Variants in MYOZ2 observed in about 807,000 individuals in gnomAD.
MYOZ2 encodes myozenin 2, also known as myozenin-2.
MYOZ2 carries 19 observed loss-of-function variants against 25.4 expected under a neutral mutation model. The ratio of observed to expected loss-of-function variants is 0.75; its 90% CI spans 0.52 to 1.10. The LOEUF is 1.10. MYOZ2 is among the 50% of genes least tolerant of loss of function. The pLI, the probability that MYOZ2 is intolerant of heterozygous loss-of-function variation, is 0.00. For synonymous variants in MYOZ2, 92 were observed against 106.9 expected (o/e 0.86, Z 0.86); for missense variants, 270 against 317.9 (o/e 0.85, Z 1.15).
At position 119,172,598 on chromosome 4, in the gene MYOZ2, A is replaced by T. The variant is rs568599993; in HGVS notation, c.560+8204A>T. On this transcript the variant is annotated intron_variant, in intron 5 of 5. Coordinates refer to ENST00000307128, the MANE Select transcript of MYOZ2 (RefSeq NM_016599.5). ...GTTTTACCATAGTGATGTTATCCCCAAGGAAAAATTTGGGGAGGTTCAGAA... is the reference window on the plus strand; with the variant it reads ...GTTTTACCATAGTGATGTTATCCCCTAGGAAAAATTTGGGGAGGTTCAGAA... Among the ~76,000 whole-genome samples the T allele has an allele frequency of 1.4e-4, 21 of 152,326 alleles. No homozygotes were observed. The South Asian group carries it at 4.4e-3, about 32-fold the overall frequency.
At chr4:119,158,340 G>A (rs755071584) in intron 4 of MYOZ2, among the ~76,000 whole-genome samples, 189 bp downstream of exon 4, 3 of 152,128 alleles carry the variant, frequency 2.0e-5, no homozygotes, top group Non-Finnish European at 4.4e-5. Flanking sequence ...TGGATCACCT[G>A]AGCCCACAAG....
chr4:119,164,063 C>A, intron 4 of MYOZ2, 148 bp from the exon 5 acceptor site: 3 of 726,080 alleles, frequency 4.1e-6, no homozygotes, highest in South Asian at 1.7e-5. Context: ...CTAACACTTG[C>A]AGACTGCTGT....
chr4:119,175,129 A>G (rs985261150), intron 5 of MYOZ2, among the ~76,000 whole-genome samples: 1 of 152,074 alleles, frequency 6.6e-6, no homozygotes, highest in African/African-American at 2.4e-5. Flanking sequence ...AGTGAGACCA[A>G]GAACCCACCA....
At chr4:119,140,929 A>G (rs1354911899) in intron 2 of MYOZ2, among the ~76,000 whole-genome samples, 1 of 152,206 alleles carries the variant, frequency 6.6e-6, no homozygotes, top group Non-Finnish European at 1.5e-5. Flanking sequence ...AGAATCACAG[A>G]TGGTATTCAA....
intron 5 of MYOZ2, among the ~76,000 whole-genome samples, chr4:119,172,861 A>ATC (rs1432439473): frequency 1.3e-5 from 2 of 152,198 alleles, no homozygotes; most frequent in Admixed American, 6.5e-5. Context: ...GTCAGGTAAG[A>ATC]TCTCTCACTG....
intron 5 of MYOZ2, among the ~76,000 whole-genome samples, chr4:119,177,316 A>G (rs1238294749): frequency 1.3e-5 from 2 of 152,204 alleles, no homozygotes; most frequent in Non-Finnish European, 2.9e-5. Flanking sequence ...ATATTTAAGC[A>G]GCTGAATGTG....
chr4:119,158,420 G>T (rs1475760095), intron 4 of MYOZ2, among the ~76,000 whole-genome samples: 1 of 151,968 alleles, frequency 6.6e-6, no homozygotes, highest in Non-Finnish European at 1.5e-5. Flanking sequence ...GCTGGGTATG[G>T]TGGTGCACAC....
intron 4 of MYOZ2, among the ~76,000 whole-genome samples, chr4:119,158,564 G>A (rs4301093): frequency 0.96 from 145,491 of 152,164 alleles, 69,588 homozygotes; most frequent in East Asian, 0.99. Context: ...TCAAAAAAAA[G>A]TTTCTTTTTT....
chr4:119,182,726 A>G (rs1198572610), intron 5 of MYOZ2, among the ~76,000 whole-genome samples: 2 of 152,174 alleles, frequency 1.3e-5, no homozygotes, highest in Non-Finnish European at 2.9e-5. Flanking sequence ...GGTGGAGCTC[A>G]GGTGGAAATG....
At chr4:119,156,283 A>T (rs184164867) in intron 3 of MYOZ2, among the ~76,000 whole-genome samples, 1 of 151,758 alleles carries the variant, frequency 6.6e-6, no homozygotes, top group African/African-American at 2.4e-5. Context: ...GTGGAGAAAC[A>T]TACAAGATAA....
intron 2 of MYOZ2, among the ~76,000 whole-genome samples, chr4:119,136,949 A>G (rs1741041580): frequency 6.6e-6 from 1 of 152,066 alleles, no homozygotes; most frequent in Non-Finnish European, 1.5e-5. Context: ...TTTATTGTCC[A>G]TCCCACATGG....
At chr4:119,147,096 T>G (rs576995701) in intron 2 of MYOZ2, among the ~76,000 whole-genome samples, 1 of 152,228 alleles carries the variant, frequency 6.6e-6, no homozygotes, top group Non-Finnish European at 1.5e-5. Flanking sequence ...AATGTTATCA[T>G]AGGCAGTGAG....
chr4:119,150,731 G>A (rs1741427948), intron 2 of MYOZ2, 141 bp from the exon 3 acceptor site: 2 of 785,342 alleles, frequency 2.5e-6, no homozygotes, highest in Non-Finnish European at 4.1e-6. Context: ...TAGAGATGAA[G>A]GAACTGAGGT....
chr4:119,140,032 G>C (rs895482421), intron 2 of MYOZ2, among the ~76,000 whole-genome samples: 2 of 152,106 alleles, frequency 1.3e-5, no homozygotes, highest in African/African-American at 2.4e-5. Flanking sequence ...TGTTAATGTG[G>C]TACCAGGGGT....
At chr4:119,146,209 G>GT (rs948782976) in intron 2 of MYOZ2, among the ~76,000 whole-genome samples, 4 of 150,530 alleles carry the variant, frequency 2.7e-5, no homozygotes, top group Admixed American at 1.3e-4. Context: ...TTGTTTTTCT[G>GT]TTTTTTATTT....
chr4:119,180,906 A>G (rs1477892326), intron 5 of MYOZ2, among the ~76,000 whole-genome samples: 1 of 152,150 alleles, frequency 6.6e-6, no homozygotes, highest in African/African-American at 2.4e-5. Context: ...TACTTTTTAT[A>G]TTATGCTACT....
chr4:119,153,062 C>CA (rs1553958312), intron 3 of MYOZ2, among the ~76,000 whole-genome samples: 4 of 137,882 alleles, frequency 2.9e-5, no homozygotes, highest in African/African-American at 7.9e-5. Flanking sequence ...AAAGCGTTGC[C>CA]TTTTTTTTTT....
chr4:119,147,017 A>G (rs1578726820), intron 2 of MYOZ2, among the ~76,000 whole-genome samples: 1 of 152,118 alleles, frequency 6.6e-6, no homozygotes, highest in Non-Finnish European at 1.5e-5. Flanking sequence ...TCTGATATTA[A>G]TATCAGGTAA....
At chr4:119,182,103 A>G (rs1742194430) in intron 5 of MYOZ2, among the ~76,000 whole-genome samples, 1 of 152,234 alleles carries the variant, frequency 6.6e-6, no homozygotes, top group Non-Finnish European at 1.5e-5. Flanking sequence ...TAAAAGAGGA[A>G]AGTGTCAAAT....
Sources: allele counts gnomAD v4.1 joint callset (sites outside exome capture counted in the v4.1 genomes callset), GRCh38; gene constraint gnomAD v4.1.1; transcripts MANE v1.5; gene names NCBI Gene and HGNC (gene_info 2026-07-23, HGNC 2026-07-21).